MEGF6: variants seen among roughly 807,000 people sequenced by gnomAD.
MEGF6 encodes multiple EGF like domains 6.
Under a neutral mutation model 207.1 loss-of-function variants are expected in MEGF6, and 184 were observed. That is an observed-to-expected ratio of 0.89 (90% CI 0.79 to 1.00). The LOEUF is 1.00. Ranked by LOEUF, MEGF6 falls within the 50% of genes least tolerant of loss-of-function variation. MEGF6 has a pLI of 0.00. For missense variants in MEGF6, 2,282 were observed against 2,202.9 expected, an observed-to-expected ratio of 1.04 and a Z score of -0.72; for synonymous variants, 1,038 against 910.0, an observed-to-expected ratio of 1.14 and a Z score of -2.53.
chr1:3,490,982 C>T, intron 35 of MEGF6, 23 bp from the exon 36 acceptor site: 1 of 1,573,716 alleles, frequency 6.4e-7, no homozygotes, highest in African/African-American at 1.4e-5. Flanking sequence ...GAGAGCAGGC[C>T]ATGTTAGTAC....
chr1:3,585,876 AGGACACATGTCCTGT>A (rs1643886377), intron 3 of MEGF6, among the ~76,000 whole-genome samples: 1 of 134,716 alleles, frequency 7.4e-6, no homozygotes. Context: ...TGTGGGTGTG[AGGACACATGTCCTGT>A]GTGTGGACAC....
At chr1:3,510,633 G>T in intron 10 of MEGF6, 150 bp downstream of exon 10, 3 of 1,134,520 alleles carry the variant, frequency 2.6e-6, no homozygotes, top group Non-Finnish European at 2.4e-6. Flanking sequence ...CACAGCAGGC[G>T]CTCAACCAAC....
intron 4 of MEGF6, chr1:3,531,245 T>C (rs1263747628): frequency 1.3e-5 from 18 of 1,410,872 alleles, no homozygotes; most frequent in Non-Finnish European, 1.6e-5. Context: ...GACGCCCCCA[T>C]GGCCTGGTAG....
intron 4 of MEGF6, among the ~76,000 whole-genome samples, chr1:3,535,934 C>T (rs1570083193): frequency 1.3e-5 from 2 of 152,228 alleles, no homozygotes; most frequent in Non-Finnish European, 2.9e-5. Flanking sequence ...ATCACCCTCC[C>T]CAGGCCATGG....
At chr1:3,499,100 C>T (rs777365796) in intron 24 of MEGF6, 38 bp downstream of exon 24, 1 of 1,593,022 alleles carries the variant, frequency 6.3e-7, no homozygotes, top group South Asian at 1.1e-5. Flanking sequence ...CTCGCTCAGG[C>T]CTGGACCCCG....
intron 5 of MEGF6, among the ~76,000 whole-genome samples, chr1:3,520,066 G>T (rs1046909821): frequency 5.3e-5 from 8 of 152,274 alleles, no homozygotes; most frequent in Non-Finnish European, 1.2e-4. Context: ...CCGAGAAGGG[G>T]AGAAGGACAG....
At chr1:3,504,833 G>A (rs1641041400) in intron 17 of MEGF6, among the ~76,000 whole-genome samples, 1 of 152,120 alleles carries the variant, frequency 6.6e-6, no homozygotes, top group Non-Finnish European at 1.5e-5. Context: ...CTCTGCTGCC[G>A]GCTCACATGT....
intron 3 of MEGF6, among the ~76,000 whole-genome samples, chr1:3,586,600 G>C (rs1324809414): frequency 6.6e-6 from 1 of 152,190 alleles, no homozygotes; most frequent in Non-Finnish European, 1.5e-5. Context: ...CTGCATGGAG[G>C]AAAAGGGAGC....
rs576828671 is a variant in MEGF6, at chr1:3,506,768, C to G, written c.1790-532G>C. Among the ~76,000 whole-genome samples the G allele has an allele frequency of 2.6e-5, 4 of 152,340 alleles. No individual in the cohort carries two copies. The South Asian group carries it at 8.3e-4, about 32-fold the overall frequency. ...GAAGGTACCCCCACAACTACATACA[C>G]GTCCTAGTCCCCAGGACCTGGAGAC... On this transcript the variant is annotated intron_variant, in intron 14 of 36. Transcript: ENST00000356575.
chr1:3,615,218 C>T (rs916538358), upstream of MEGF6, among the ~76,000 whole-genome samples: 7 of 152,220 alleles, frequency 4.6e-5, no homozygotes, highest in African/African-American at 1.7e-4. Context: ...TTTTCAGAGT[C>T]GTCAAACTTT....
chr1:3,584,900 G>A (rs1357920974), intron 3 of MEGF6, among the ~76,000 whole-genome samples: 2 of 152,280 alleles, frequency 1.3e-5, no homozygotes, highest in African/African-American at 4.8e-5. Context: ...GGGACTCTAA[G>A]GCGTCACGGG....
chr1:3,609,228 A>T (rs975006186), intron 1 of MEGF6, among the ~76,000 whole-genome samples: 4 of 152,138 alleles, frequency 2.6e-5, no homozygotes, highest in African/African-American at 9.7e-5. Context: ...ACCAGAGCCC[A>T]CAGCTTCCTC....
At chr1:3,505,049 G>A (rs1018214037) in intron 17 of MEGF6, among the ~76,000 whole-genome samples, 159 bp downstream of exon 17, 15 of 118,244 alleles carry the variant, frequency 1.3e-4, no homozygotes, top group Admixed American at 9.1e-4. Flanking sequence ...AGGCAACACC[G>A]GTAGCAAGGC....
At chr1:3,611,730 C>T (rs1644330653), upstream of MEGF6, among the ~76,000 whole-genome samples, 1 of 11,366 alleles carries the variant, frequency 8.8e-5, no homozygotes, top group Non-Finnish European at 8.9e-4. Flanking sequence ...CGCCCCTAGC[C>T]CCCTCCCCTC....
At chr1:3,555,045 A>G (rs988862387) in intron 4 of MEGF6, among the ~76,000 whole-genome samples, 2 of 152,162 alleles carry the variant, frequency 1.3e-5, no homozygotes, top group South Asian at 4.2e-4. Flanking sequence ...ACCCAGCCAC[A>G]CCCTCTTGTC....
chr1:3,501,940 G>A lies in MEGF6; in HGVS notation c.2189-19C>T, dbSNP rs368619765. 3 of 1,475,202 alleles carry A rather than the reference G, an allele frequency of 2.0e-6. No homozygotes were observed. Among genetic ancestry groups the A allele is most frequent in the South Asian group, 2.3e-5 (2 of 86,726 alleles). 91.4% of individuals were successfully genotyped at this position (1,475,202 alleles called of 1,614,324 possible). On this transcript the variant is annotated intron_variant, in intron 17 of 36. Transcript: ENST00000356575. ...GGGCACTCTGCAGGAGAAAGCACGAGGGGCCTTAGCCGCACCACGTGGAGT... is the reference window on the plus strand; with the variant it reads ...GGGCACTCTGCAGGAGAAAGCACGAAGGGCCTTAGCCGCACCACGTGGAGT...
intron 7 of MEGF6, among the ~76,000 whole-genome samples, chr1:3,513,640 G>C (rs1204150767): frequency 7.7e-6 from 1 of 129,958 alleles, no homozygotes; most frequent in Non-Finnish European, 1.6e-5. Flanking sequence ...ACCCAGGCTG[G>C]AGTGCAGTGG....
chr1:3,619,639 CT>C, the MEGF6 span, among the ~76,000 whole-genome samples: 2 of 147,220 alleles, frequency 1.4e-5, no homozygotes, highest in Non-Finnish European at 3.0e-5. Flanking sequence ...CATGCTTCCC[CT>C]TCATCTTCCG....
In MEGF6 at chr1:3,500,687, TGGCATCAC is replaced by T; in HGVS notation, c.2645_2652del (p.Cys882TyrfsTer8). On this transcript the variant is annotated frameshift_variant, in exon 21 of 37. Transcript: ENST00000356575. LOFTEE classifies it high-confidence loss of function. The stretch of plus-strand genomic sequence containing the variant: ...GCCTCACACAGACACAGGCCGCTGA[TGGCATCAC>T]AGCTCCCGTGGCCAGCGCTGCAGTT... The T allele has an allele frequency of 6.3e-7, 1 of 1,580,152 alleles. No homozygotes were observed. The highest frequency in any genetic ancestry group is 8.6e-7 in the Non-Finnish European group (1 of 1,163,374).
Sources: gnomAD v4.1 joint callset for allele counts (sites outside exome capture counted in the v4.1 genomes callset) on GRCh38, gnomAD v4.1.1 for gene constraint, MANE v1.5 for transcripts, NCBI Gene and HGNC (gene_info 2026-07-23, HGNC 2026-07-21) for gene names.